The following GARIN6 variants were observed in gnomAD, a reference collection of about 807,000 sequenced individuals.
GARIN6 encodes Golgi-associated RAB2 interactor protein 6.
the GARIN6 span, among the ~76,000 whole-genome samples, chr12:99,649,064 G>A: frequency 6.6e-6 from 1 of 152,242 alleles, no homozygotes; most frequent in South Asian, 2.1e-4. Flanking sequence ...ATGTTGTAAT[G>A]CTGTCCAAAG....
At chr12:99,648,685 T>C in the GARIN6 span, 1 of 1,614,168 alleles carries the variant, frequency 6.2e-7, no homozygotes, top group Non-Finnish European at 8.5e-7. Flanking sequence ...AAACCTTGTT[T>C]ACATCCTGAG....
chr12:99,649,364 G>C, the GARIN6 span: 1 of 1,614,008 alleles, frequency 6.2e-7, no homozygotes, highest in South Asian at 1.1e-5. Flanking sequence ...GAAATGTTTG[G>C]GTCCACCTAT....
the GARIN6 span, chr12:99,647,871 A>C: frequency 8.2e-6 from 3 of 367,466 alleles, no homozygotes; most frequent in African/African-American, 2.0e-5. Flanking sequence ...GTCCCTCCCG[A>C]ATGAGCACTG....
At chr12:99,648,819 T>C in the GARIN6 span, 1 of 1,584,450 alleles carries the variant, frequency 6.3e-7, no homozygotes, top group Admixed American at 1.8e-5. Flanking sequence ...AGATGGGGCC[T>C]GGATGCTTTG....
chr12:99,649,240 G>A, the GARIN6 span: 1 of 1,377,310 alleles, frequency 7.3e-7, no homozygotes, highest in East Asian at 2.3e-5. Context: ...GGAAGAGAAA[G>A]GAGATCTTGC....
chr12:99,648,412 C>G, the GARIN6 span: 2 of 1,614,198 alleles, frequency 1.2e-6, no homozygotes, highest in Non-Finnish European at 1.7e-6. Flanking sequence ...CAGCCCCTGC[C>G]TCACACTACC....
the GARIN6 span, chr12:99,648,314 A>C: frequency 6.2e-7 from 1 of 1,614,186 alleles, no homozygotes; most frequent in South Asian, 1.1e-5. Flanking sequence ...CCCATGTTTG[A>C]GAGCGACTTT....
At chr12:99,648,165 AAAGG>A in the GARIN6 span, 2 of 1,606,460 alleles carry the variant, frequency 1.2e-6, no homozygotes, top group South Asian at 2.2e-5. Flanking sequence ...GTCTTGATTT[AAAGG>A]AAGACATGGA....
At chr12:99,649,422 C>T in the GARIN6 span, 2 of 1,577,612 alleles carry the variant, frequency 1.3e-6, no homozygotes, top group Non-Finnish European at 1.7e-6. Context: ...CCCACATATA[C>T]TACGTTCAAG....
chr12:99,649,479 G>C, the GARIN6 span: 5 of 1,120,028 alleles, frequency 4.5e-6, no homozygotes, highest in Non-Finnish European at 6.7e-6. Flanking sequence ...CCTGATGAAG[G>C]GGCAGGGTAG....
chr12:99,648,708 G>A, the GARIN6 span: 1 of 1,614,104 alleles, frequency 6.2e-7, no homozygotes, highest in South Asian at 1.1e-5. Context: ...CACCAGTGGA[G>A]GCTTACAGTG....
At chr12:99,649,353 T>C in the GARIN6 span, 1 of 1,614,180 alleles carries the variant, frequency 6.2e-7, no homozygotes, top group Non-Finnish European at 8.5e-7. Flanking sequence ...ACATGAATGC[T>C]GAAATGTTTG....
chr12:99,648,573 CG>C, the GARIN6 span: 1 of 1,614,128 alleles, frequency 6.2e-7, no homozygotes, highest in Non-Finnish European at 8.5e-7. Flanking sequence ...TCCACAACAG[CG>C]TAAAAAAACA....
the GARIN6 span, chr12:99,648,246 C>T: frequency 1.2e-6 from 2 of 1,614,214 alleles, no homozygotes; most frequent in Non-Finnish European, 1.7e-6. Context: ...TTAACACCTC[C>T]ATGGGGAAGC....
chr12:99,649,617 T>C, the GARIN6 span: 1 of 504,044 alleles, frequency 2.0e-6, no homozygotes, highest in South Asian at 2.5e-5. Flanking sequence ...GGAGGAAGTA[T>C]AGCCAGCATG....
the GARIN6 span, chr12:99,648,340 AGAG>A: frequency 1.9e-5 from 31 of 1,614,038 alleles, no homozygotes; most frequent in Middle Eastern, 6.6e-4. Context: ...GATCAGCAAA[AGAG>A]GAGAAGTGAT....
the GARIN6 span, chr12:99,649,324 T>G: frequency 5.0e-6 from 8 of 1,614,156 alleles, 1 homozygote; most frequent in South Asian, 8.8e-5. Context: ...GAAGGAGCAA[T>G]TCAGAATCAG....
chr12:99,648,223 G>A, the GARIN6 span: 25 of 1,614,144 alleles, frequency 1.5e-5, no homozygotes, highest in South Asian at 9.9e-5. Flanking sequence ...AAGCAGCCCC[G>A]CAATGGGCAT....
At chr12:99,648,813 G>A in the GARIN6 span, 1 of 1,594,184 alleles carries the variant, frequency 6.3e-7, no homozygotes, top group Non-Finnish European at 8.6e-7. Context: ...GAGACTAGAT[G>A]GGGCCTGGAT....
Sources: allele counts gnomAD v4.1 joint callset (sites outside exome capture counted in the v4.1 genomes callset), GRCh38; gene constraint gnomAD v4.1.1; transcripts MANE v1.5; gene names NCBI Gene and HGNC (gene_info 2026-07-23, HGNC 2026-07-21).